The following PTPRM variants were observed in gnomAD, a reference collection of about 807,000 sequenced individuals.
PTPRM encodes the protein receptor-type tyrosine-protein phosphatase mu.
Under a neutral mutation model 186.7 loss-of-function variants are expected in PTPRM, and 47 were observed. The ratio of observed to expected loss-of-function variants is 0.25; its 90% confidence interval spans 0.20 to 0.32. The LOEUF is 0.32. Ranked by LOEUF, PTPRM falls within the 10% of genes least tolerant of loss-of-function variation. The pLI, the probability that PTPRM is intolerant of heterozygous loss-of-function variation, is 1.00. For synonymous variants in PTPRM, 668 were observed against 674.9 expected, an observed-to-expected ratio of 0.99 and a Z score of 0.16; for missense variants, 1,494 against 1,865.0, an observed-to-expected ratio of 0.80 and a Z score of 3.66.
chr18:8,036,806 G>A (rs1236017329), intron 7 of PTPRM, among the ~76,000 whole-genome samples: 2 of 152,194 alleles, frequency 1.3e-5, no homozygotes, highest in African/African-American at 4.8e-5. Context: ...CACATGTAAT[G>A]TGGGTATATC....
chr18:8,177,890 A>G (rs1195726656), intron 14 of PTPRM, among the ~76,000 whole-genome samples: 1 of 152,138 alleles, frequency 6.6e-6, no homozygotes, highest in Non-Finnish European at 1.5e-5. Context: ...AGCTGTTTGT[A>G]TGCACAGTGG....
intron 2 of PTPRM, among the ~76,000 whole-genome samples, chr18:7,869,515 A>G (rs926773380): frequency 6.6e-6 from 1 of 151,938 alleles, no homozygotes; most frequent in Non-Finnish European, 1.5e-5. Flanking sequence ...CTCTCCCTCC[A>G]TGGGCTGCAC....
intron 20 of PTPRM, among the ~76,000 whole-genome samples, chr18:8,304,082 G>A (rs116746132): frequency 1.3e-3 from 197 of 152,300 alleles, no homozygotes; most frequent in African/African-American, 4.5e-3. Flanking sequence ...CCAGTATGTA[G>A]CAGAGAGAAA....
intron 1 of PTPRM, among the ~76,000 whole-genome samples, chr18:7,614,635 A>C (rs540655047): frequency 1.2e-4 from 18 of 152,368 alleles, no homozygotes; most frequent in African/African-American, 4.3e-4. Flanking sequence ...CAACCAAAAC[A>C]TCCAGATGCA....
intron 19 of PTPRM, among the ~76,000 whole-genome samples, chr18:8,264,774 C>CAAAAAAAAAAAAAAAAA (rs577367071): frequency 1.0e-5 from 1 of 100,072 alleles, no homozygotes; most frequent in African/African-American, 3.8e-5. Context: ...GACTCCATCT[C>CAAAAAAAAAAAAAAAAA]AAAAAAAAAA....
At chr18:8,005,531 A>G (rs2084127387) in intron 7 of PTPRM, among the ~76,000 whole-genome samples, 1 of 152,196 alleles carries the variant, frequency 6.6e-6, no homozygotes, top group African/African-American at 2.4e-5. Context: ...CATTTTACAG[A>G]TGGGTAAACT....
intron 1 of PTPRM, among the ~76,000 whole-genome samples, chr18:7,721,334 T>A (rs1398413564): frequency 6.6e-6 from 1 of 152,084 alleles, no homozygotes. Flanking sequence ...TTGTTATTGT[T>A]GATTTTTAGG....
chr18:7,789,048 A>G (rs1484030747), intron 2 of PTPRM, among the ~76,000 whole-genome samples: 3 of 152,182 alleles, frequency 2.0e-5, no homozygotes, highest in African/African-American at 7.2e-5. Flanking sequence ...TGGGCTGGGC[A>G]CAGTGGCTCA....
Position 7,689,487 on chromosome 18 carries a change from A to G in PTPRM, c.74-84662A>G, listed in dbSNP as rs16952368. Among the ~76,000 whole-genome samples, 243 of 152,226 alleles carry G rather than the reference A, an allele frequency of 1.6e-3. 3 individuals carry two copies. Among genetic ancestry groups the G allele is most frequent in the Admixed American group, 0.014 (219 of 15,290 alleles). The stretch of plus-strand genomic sequence containing the variant: ...GTTGATCTCCTCATACTTAGGAAAT[A>G]CTCCACAAATGCTTTTAAAATTCCA... On this transcript the variant is annotated intron_variant, in intron 1 of 32. Coordinates refer to ENST00000580170, the MANE Select transcript of PTPRM (RefSeq NM_001105244.2).
intron 14 of PTPRM, among the ~76,000 whole-genome samples, chr18:8,174,134 G>T (rs770618966): frequency 1.3e-4 from 19 of 151,986 alleles, no homozygotes; most frequent in Non-Finnish European, 2.6e-4. Flanking sequence ...AAGGGAAGTT[G>T]CAAATCTTGT....
intron 32 of PTPRM, chr18:8,405,289 C>T (rs189700276): frequency 1.2e-3 from 181 of 152,420 alleles, no homozygotes; most frequent in African/African-American, 4.0e-3. Flanking sequence ...CTGTTGCCTC[C>T]GCCTGGAATG....
intron 1 of PTPRM, among the ~76,000 whole-genome samples, chr18:7,595,331 T>C (rs192451262): frequency 1.3e-5 from 2 of 152,300 alleles, no homozygotes; most frequent in African/African-American, 2.4e-5. Flanking sequence ...TAAGCAACAT[T>C]GATGCTTTCC....
intron 1 of PTPRM, among the ~76,000 whole-genome samples, chr18:7,717,730 G>A (rs994341774): frequency 2.6e-5 from 4 of 152,222 alleles, no homozygotes; most frequent in Non-Finnish European, 5.9e-5. Context: ...CTGCCTGGAT[G>A]CTGCTGTGGG....
At chr18:7,615,461 T>G (rs2037779987) in intron 1 of PTPRM, among the ~76,000 whole-genome samples, 1 of 152,128 alleles carries the variant, frequency 6.6e-6, no homozygotes. Flanking sequence ...AAAGGCCCTG[T>G]GTCATGCTAC....
chr18:8,009,664 C>G (rs1261204868), intron 7 of PTPRM, among the ~76,000 whole-genome samples: 1 of 151,942 alleles, frequency 6.6e-6, no homozygotes, highest in African/African-American at 2.4e-5. Context: ...GCCAAGATCG[C>G]ACCACTGCAC....
chr18:8,260,945 C>G (rs1451305067), intron 19 of PTPRM, among the ~76,000 whole-genome samples: 2 of 152,210 alleles, frequency 1.3e-5, no homozygotes, highest in Non-Finnish European at 2.9e-5. Context: ...ACAGCAGCCC[C>G]TTCGCTGGCT....
At chr18:7,682,514 G>A (rs1023603039) in intron 1 of PTPRM, among the ~76,000 whole-genome samples, 4 of 152,134 alleles carry the variant, frequency 2.6e-5, no homozygotes, top group Non-Finnish European at 5.9e-5. Context: ...AGCTTTCTCA[G>A]GGTATGGGAC....
rs146616353 is a variant in PTPRM at position 8,344,045 on chromosome 18, G to C, written c.3054+525G>C. On this transcript the variant is annotated intron_variant, in intron 23 of 32. Coordinates refer to ENST00000580170, the MANE Select transcript of PTPRM (RefSeq NM_001105244.2). ...TCTCCGTAGTAACTGTTTATGAGCA[G>C]TGCTTTTATTTAACCAGGAAACTTT... Among the ~76,000 whole-genome samples, 477 of 152,290 alleles carry C rather than the reference G, an allele frequency of 3.1e-3. 2 individuals carry two copies. Among genetic ancestry groups the C allele is most frequent in the African/African-American group, 0.011 (448 of 41,576 alleles).
intron 14 of PTPRM, among the ~76,000 whole-genome samples, chr18:8,229,672 A>G (rs1447842459): frequency 2.0e-5 from 3 of 152,166 alleles, no homozygotes; most frequent in Non-Finnish European, 4.4e-5. Flanking sequence ...TGAGGTGATC[A>G]TAGATACATG....
Sources: gnomAD v4.1 joint callset for allele counts (sites outside exome capture counted in the v4.1 genomes callset) on GRCh38, gnomAD v4.1.1 for gene constraint, MANE v1.5 for transcripts, NCBI Gene and HGNC (gene_info 2026-07-23, HGNC 2026-07-21) for gene names.